SPIRE1: variants seen among roughly 807,000 people sequenced by gnomAD.
SPIRE1 encodes the protein protein spire homolog 1.
A neutral mutation model predicts 94.1 loss-of-function variants in SPIRE1; 40 were observed. The ratio of observed to expected loss-of-function variants is 0.43; its 90% CI spans 0.33 to 0.55. SPIRE1 has a LOEUF of 0.55. SPIRE1 is among the 20% of genes least tolerant of loss of function. The pLI is 0.06. For missense variants in SPIRE1, 838 were observed against 975.2 expected (o/e 0.86, Z 1.87); for synonymous variants, 376 against 371.7 (o/e 1.01, Z -0.13).
chr18:12,510,559 T>C (rs181189832), intron 5 of SPIRE1, among the ~76,000 whole-genome samples: 273 of 152,124 alleles, frequency 1.8e-3, no homozygotes, highest in Non-Finnish European at 3.3e-3. Flanking sequence ...TTTTTTTTTT[T>C]TGAGACAGAG....
intron 10 of SPIRE1, among the ~76,000 whole-genome samples, chr18:12,467,994 C>T (rs1423389369): frequency 1.3e-5 from 2 of 151,890 alleles, no homozygotes; most frequent in African/African-American, 4.8e-5. Flanking sequence ...TAATTTTACA[C>T]GTTGTTACCT....
In SPIRE1 at chr18:12,479,871, T is replaced by G; in HGVS notation, c.1232A>C (p.Asp411Ala). The G allele has an allele frequency of 1.9e-6, 3 of 1,611,162 alleles. No individual in the cohort carries two copies. Among genetic ancestry groups the G allele is most frequent in the Non-Finnish European group, 2.5e-6 (3 of 1,179,174 alleles). ...CTTTGTAGATTCAGGGGTAGTCACA[T>G]CTGGTAAAAAAGCAAAAGCTTACCT... ...LSMSYSFDLS[D>A]VTTPESTKNL... The change falls in exon 10 of 17, where the codon GAT becomes GCT. Residue 411 changes from aspartate (D) to alanine (A), a missense_variant and splice_region_variant. Around this residue, in one of 2 missense-constraint regions of SPIRE1, gnomAD observed 645 missense variants for 804.7 expected, o/e 0.80. Coordinates refer to ENST00000409402, the MANE Select transcript of SPIRE1 (RefSeq NM_001128626.2).
chr18:12,603,702 G>A (rs1245702359), intron 2 of SPIRE1, among the ~76,000 whole-genome samples: 1 of 151,844 alleles, frequency 6.6e-6, no homozygotes, highest in Non-Finnish European at 1.5e-5. Context: ...AGCCTCCCGA[G>A]TAGCTGGGAC....
chr18:12,560,694 T>C (rs935408809), intron 2 of SPIRE1, among the ~76,000 whole-genome samples: 1 of 151,890 alleles, frequency 6.6e-6, no homozygotes, highest in Non-Finnish European at 1.5e-5. Flanking sequence ...CTACTAAAAA[T>C]ACAAAAAATT....
At chr18:12,451,014 AG>A (rs1199447664) in intron 16 of SPIRE1, 1 of 556,484 alleles carries the variant, frequency 1.8e-6, no homozygotes, top group Non-Finnish European at 3.3e-6. Context: ...CAAGATGAAA[AG>A]GAAGAAGGAG....
intron 10 of SPIRE1, among the ~76,000 whole-genome samples, chr18:12,468,817 G>A (rs1041521560): frequency 5.3e-5 from 8 of 152,162 alleles, no homozygotes; most frequent in Non-Finnish European, 1.2e-4. Context: ...CCAGCACTTT[G>A]GTAGGCTGAG....
intron 6 of SPIRE1, among the ~76,000 whole-genome samples, chr18:12,496,392 T>C (rs1321525816): frequency 2.0e-5 from 3 of 152,232 alleles, no homozygotes; most frequent in Admixed American, 2.0e-4. Flanking sequence ...TTATTCAGTA[T>C]TTTATGATTT....
At chr18:12,647,749 A>G (rs1414617944) in intron 1 of SPIRE1, among the ~76,000 whole-genome samples, 1 of 152,194 alleles carries the variant, frequency 6.6e-6, no homozygotes, top group East Asian at 1.9e-4. Context: ...GCAAAACTAC[A>G]ACTTTAAAAA....
In SPIRE1 at chr18:12,505,776, C is replaced by T. The variant is rs28621703; in HGVS notation, c.972+701G>A. Among the ~76,000 whole-genome samples, 1,112 of 151,960 alleles carry T rather than the reference C, an allele frequency of 7.3e-3. 12 individuals are homozygous for T. Among genetic ancestry groups the T allele is most frequent in the African/African-American group, 0.025 (1,048 of 41,402 alleles). On this transcript the variant is annotated intron_variant, in intron 6 of 16. Coordinates refer to ENST00000409402, the MANE Select transcript of SPIRE1 (RefSeq NM_001128626.2). ...ACAAGGTGATTTGTTTAATAAACTCCGGAATAGCCATAAGCTAGAAACGAT... is the reference window on the plus strand; with the variant it reads ...ACAAGGTGATTTGTTTAATAAACTCTGGAATAGCCATAAGCTAGAAACGAT...
chr18:12,464,845 C>T, intron 11 of SPIRE1, 23 bp downstream of exon 11: 2 of 1,599,904 alleles, frequency 1.3e-6, no homozygotes, highest in Non-Finnish European at 1.7e-6. Flanking sequence ...CCGACTACAG[C>T]TCTTAGCACC....
At chr18:12,542,599 CA>C (rs1388951060) in intron 3 of SPIRE1, among the ~76,000 whole-genome samples, 5 of 152,032 alleles carry the variant, frequency 3.3e-5, no homozygotes, top group Non-Finnish European at 7.4e-5. Context: ...CTGATATTTA[CA>C]AATTCTTTTA....
chr18:12,456,681 A>AT (rs995539102), intron 12 of SPIRE1, among the ~76,000 whole-genome samples: 13 of 152,218 alleles, frequency 8.5e-5, no homozygotes, highest in East Asian at 1.9e-4. Flanking sequence ...GCAGATGGTG[A>AT]TTTTTTTCAT....
Position 12,449,535 on chromosome 18 carries a change from C to T in SPIRE1, c.*103G>A. The stretch of plus-strand genomic sequence containing the variant: ...GCAAAAATCTGATCTAATGCAAATT[C>T]AAGCCCATTAAATAAAACCACAGAA... On this transcript the variant is annotated 3_prime_UTR_variant, in exon 17 of 17. Transcript: ENST00000409402. The T allele has an allele frequency of 8.3e-7, 1 of 1,208,194 alleles. No individual in the cohort carries two copies. The highest frequency in any genetic ancestry group is 1.1e-6 in the Non-Finnish European group (1 of 872,040). The allele number at this position is 1,208,194 out of a possible 1,614,324, so 74.8% of individuals were successfully genotyped here.
chr18:12,615,345 A>AAATAAAAAAAAAT, intron 2 of SPIRE1, among the ~76,000 whole-genome samples: 3 of 17,236 alleles, frequency 1.7e-4, no homozygotes, highest in Non-Finnish European at 5.6e-4. Flanking sequence ...AAAAAAAAAA[A>AAATAAAAAAAAAT]ATATATATAT....
chr18:12,659,010 G>T (rs900698285), upstream of SPIRE1: 1 of 158,058 alleles, frequency 6.3e-6, no homozygotes, highest in African/African-American at 2.4e-5. Flanking sequence ...AGGGCAATTA[G>T]CCGTAGAAAG....
intron 2 of SPIRE1, among the ~76,000 whole-genome samples, chr18:12,589,452 G>T (rs1338828698): frequency 6.6e-6 from 1 of 152,120 alleles, no homozygotes; most frequent in Non-Finnish European, 1.5e-5. Flanking sequence ...GAGAAAGCAG[G>T]CATACTCTTT....
chr18:12,547,034 AT>A, intron 2 of SPIRE1, 130 bp from the exon 3 acceptor site: 1 of 595,304 alleles, frequency 1.7e-6, no homozygotes, highest in Non-Finnish European at 3.0e-6. Flanking sequence ...AACCCTTTTT[AT>A]ATTCTCTTAG....
chr18:12,591,323 G>A (rs2036528350), intron 2 of SPIRE1, among the ~76,000 whole-genome samples: 1 of 152,216 alleles, frequency 6.6e-6, no homozygotes, highest in African/African-American at 2.4e-5. Context: ...CAGCTAGTGT[G>A]TCTGAAAGAA....
intron 8 of SPIRE1, among the ~76,000 whole-genome samples, chr18:12,487,252 A>G (rs1269529626): frequency 6.6e-6 from 1 of 152,214 alleles, no homozygotes; most frequent in Non-Finnish European, 1.5e-5. Flanking sequence ...TTTATAAAAT[A>G]AACTTTTTCA....
Sources: allele counts gnomAD v4.1 joint callset (sites outside exome capture counted in the v4.1 genomes callset), GRCh38; gene constraint gnomAD v4.1.1; regional missense constraint gnomAD v4.1.1; transcripts MANE v1.5; gene names NCBI Gene and HGNC (gene_info 2026-07-23, HGNC 2026-07-21).